Variants in SFMBT2 observed in about 807,000 individuals in gnomAD.
SFMBT2 encodes the protein scm-like with four MBT domains protein 2.
SFMBT2 carries 38 observed loss-of-function variants against 110.1 expected under a neutral mutation model. The observed-to-expected ratio is 0.35, with a 90% confidence interval of 0.27 to 0.45. The LOEUF (loss-of-function observed/expected upper bound fraction) is 0.45, where lower values mean the gene tolerates loss of function less well. Ranked by LOEUF, SFMBT2 falls within the 20% of genes least tolerant of loss-of-function variation. The pLI, the probability that SFMBT2 is intolerant of heterozygous loss-of-function variation, is 1.00. For synonymous variants in SFMBT2, 425 were observed against 425.4 expected (o/e 1.00, Z 0.01); for missense variants, 1,011 against 1,094.9 (o/e 0.92, Z 1.08).
At chr10:7,224,630 T>G (rs1392027499) in intron 10 of SFMBT2, among the ~76,000 whole-genome samples, 2 of 152,178 alleles carry the variant, frequency 1.3e-5, no homozygotes, top group Non-Finnish European at 2.9e-5. Context: ...TACCTTCAAA[T>G]AGTCGTTTTT....
At chr10:7,406,116 C>T (rs968506207) in intron 1 of SFMBT2, among the ~76,000 whole-genome samples, 1 of 151,776 alleles carries the variant, frequency 6.6e-6, no homozygotes, top group Non-Finnish European at 1.5e-5. Context: ...GTAAAATTTC[C>T]TTCTGACCAC....
intron 1 of SFMBT2, among the ~76,000 whole-genome samples, chr10:7,409,655 C>T (rs1212475901): frequency 2.0e-5 from 3 of 152,042 alleles, no homozygotes; most frequent in Non-Finnish European, 4.4e-5. Context: ...AAAAAAAAAC[C>T]GGACAGCCCA....
chr10:7,215,022 A>G (rs188783476), intron 11 of SFMBT2, among the ~76,000 whole-genome samples: 43 of 152,372 alleles, frequency 2.8e-4, no homozygotes, highest in Non-Finnish European at 4.9e-4. Flanking sequence ...CTAAAAGGCT[A>G]AAATACTCAG....
At chr10:7,328,858 C>A (rs1843473835) in intron 4 of SFMBT2, among the ~76,000 whole-genome samples, 1 of 152,212 alleles carries the variant, frequency 6.6e-6, no homozygotes, top group Non-Finnish European at 1.5e-5. Context: ...CTTAAACTTG[C>A]AGCCTCTCAA....
At position 7,238,111 on chromosome 10, in the gene SFMBT2, T is replaced by C. The variant is rs547825055; in HGVS notation, c.1120+5447A>G. The stretch of plus-strand genomic sequence containing the variant: ...GTGGGGTGGAAGGCACTGGACAGTC[T>C]GAGCAGAGAGACCCATGGTTTATGT... On this transcript the variant is annotated intron_variant, in intron 9 of 20. Transcript: ENST00000397167. Among the ~76,000 whole-genome samples, 13 of 152,282 alleles carry C rather than the reference T, an allele frequency of 8.5e-5. 1 individual carries two copies. The highest frequency in any genetic ancestry group is 3.1e-4 in the African/African-American group (13 of 41,560).
At chr10:7,220,580 G>A in intron 10 of SFMBT2, 43 bp from the exon 11 acceptor site, 2 of 1,610,160 alleles carry the variant, frequency 1.2e-6, no homozygotes, top group Non-Finnish European at 8.5e-7. Context: ...TGCTGACGCA[G>A]CAGGACAAAG....
chr10:7,192,814 C>T (rs1360004968), intron 15 of SFMBT2, among the ~76,000 whole-genome samples: 2 of 152,080 alleles, frequency 1.3e-5, no homozygotes, highest in Non-Finnish European at 2.9e-5. Context: ...TGACTCAGGG[C>T]CGGGGGTCCG....
intron 16 of SFMBT2, chr10:7,176,369 G>T: frequency 5.9e-6 from 4 of 675,262 alleles, no homozygotes; most frequent in Non-Finnish European, 7.3e-6. Context: ...TCGTAACAGT[G>T]CTAAACCAGA....
In SFMBT2 at chr10:7,197,328, T is replaced by C. The variant is rs143405752; in HGVS notation, c.1698+220A>G. Among the ~76,000 whole-genome samples the C allele has an allele frequency of 4.1e-3, 620 of 152,236 alleles. 6 individuals are homozygous for C. Among genetic ancestry groups the C allele is most frequent in the African/African-American group, 0.014 (593 of 41,542 alleles). On this transcript the variant is annotated intron_variant, in intron 15 of 20. Transcript: ENST00000397167. ...TCCCCCTAATTCGAGGGAAGGCAGATGTGTGTCCCTCCCTCTAGATGGGGA... is the reference window on the plus strand; with the variant it reads ...TCCCCCTAATTCGAGGGAAGGCAGACGTGTGTCCCTCCCTCTAGATGGGGA...
intron 7 of SFMBT2, among the ~76,000 whole-genome samples, chr10:7,266,539 G>T (rs1228323645): frequency 6.6e-6 from 1 of 152,184 alleles, no homozygotes; most frequent in Non-Finnish European, 1.5e-5. Flanking sequence ...GGGAGCTGGA[G>T]GGGGCACGGC....
At chr10:7,175,967 C>T in intron 17 of SFMBT2, 23 bp downstream of exon 17, 2 of 1,598,246 alleles carry the variant, frequency 1.3e-6, no homozygotes, top group Admixed American at 3.4e-5. Context: ...TCATGCATTT[C>T]TTTTTTCATT....
intron 14 of SFMBT2, 69 bp downstream of exon 14, chr10:7,200,345 C>G (rs1838912687): frequency 2.4e-6 from 3 of 1,241,770 alleles, no homozygotes; most frequent in African/African-American, 1.5e-5. Context: ...GACCTAGAAA[C>G]CTATACATGT....
intron 4 of SFMBT2, among the ~76,000 whole-genome samples, chr10:7,324,219 C>T (rs1010113802): frequency 6.6e-6 from 1 of 152,140 alleles, no homozygotes; most frequent in Non-Finnish European, 1.5e-5. Flanking sequence ...GAATGTTTTG[C>T]TATAAGTGTG....
chr10:7,333,808 C>T (rs913085630), intron 4 of SFMBT2, among the ~76,000 whole-genome samples: 8 of 151,926 alleles, frequency 5.3e-5, no homozygotes, highest in Admixed American at 2.0e-4. Flanking sequence ...CCCCCACTCC[C>T]GCTTTCTTTC....
intron 1 of SFMBT2, among the ~76,000 whole-genome samples, chr10:7,393,887 A>T (rs557025812): frequency 6.6e-6 from 1 of 152,338 alleles, no homozygotes; most frequent in South Asian, 2.1e-4. Flanking sequence ...TGCCAGCTCC[A>T]GGCCACTACA....
At chr10:7,334,597 A>G (rs1325149058) in intron 4 of SFMBT2, among the ~76,000 whole-genome samples, 1 of 152,212 alleles carries the variant, frequency 6.6e-6, no homozygotes, top group Admixed American at 6.5e-5. Flanking sequence ...GCTGCTCATT[A>G]AAAGCGGGAC....
At chr10:7,318,950 C>G (rs1346952339) in intron 4 of SFMBT2, among the ~76,000 whole-genome samples, 2 of 152,184 alleles carry the variant, frequency 1.3e-5, no homozygotes, top group African/African-American at 4.8e-5. Flanking sequence ...AGAGTGCCGC[C>G]TGTACAAAGG....
At chr10:7,398,652 A>T (rs1451571752) in intron 1 of SFMBT2, among the ~76,000 whole-genome samples, 1 of 152,150 alleles carries the variant, frequency 6.6e-6, no homozygotes, top group East Asian at 1.9e-4. Context: ...GCAGTTTTAG[A>T]ATTAGCAGAG....
intron 4 of SFMBT2, among the ~76,000 whole-genome samples, chr10:7,323,276 T>G (rs532254820): frequency 1.3e-5 from 2 of 151,750 alleles, no homozygotes; most frequent in East Asian, 3.9e-4. Flanking sequence ...ATGGTGAAAC[T>G]CCGTCTCTAC....
Sources: gnomAD v4.1 joint callset for allele counts (sites outside exome capture counted in the v4.1 genomes callset) on GRCh38, gnomAD v4.1.1 for gene constraint, MANE v1.5 for transcripts, NCBI Gene and HGNC (gene_info 2026-07-23, HGNC 2026-07-21) for gene names.